PRIM2: variants seen among roughly 807,000 people sequenced by gnomAD.
PRIM2 encodes the protein DNA primase subunit 2.
A neutral mutation model predicts 67.3 loss-of-function variants in PRIM2; 39 were observed. That is an observed-to-expected ratio of 0.58 (90% CI 0.45 to 0.76). The LOEUF (loss-of-function observed/expected upper bound fraction) is 0.76, where lower values mean the gene tolerates loss of function less well. PRIM2 is among the 30% of genes least tolerant of loss of function. The probability of loss-of-function intolerance (pLI) is 0.00; values close to 1 mark genes in which losing one functional copy is unlikely to be tolerated. For synonymous variants in PRIM2, 143 were observed against 198.7 expected (o/e 0.72, Z 2.36); for missense variants, 398 against 598.7 (o/e 0.66, Z 3.50).
intron 7 of PRIM2, among the ~76,000 whole-genome samples, chr6:57,467,114 AAAAAAAGAAAAG>A (rs1773219300): frequency 6.7e-6 from 1 of 149,824 alleles, no homozygotes; most frequent in African/African-American, 2.5e-5. Context: ...TCAAAAAAAA[AAAAAAAGAAAAG>A]AAAAAAAGAT....
At chr6:57,465,798 A>T (rs1175131284) in intron 7 of PRIM2, among the ~76,000 whole-genome samples, 9 of 150,390 alleles carry the variant, frequency 6.0e-5, no homozygotes, top group Non-Finnish European at 3.0e-5. Flanking sequence ...GCTTTCTATC[A>T]TTTTTTTTTC....
At chr6:57,238,204 C>G in the PRIM2 span, among the ~76,000 whole-genome samples, 1 of 152,176 alleles carries the variant, frequency 6.6e-6, no homozygotes, top group Non-Finnish European at 1.5e-5. Flanking sequence ...AGCTCTGCAC[C>G]AAGCAGACCT....
At chr6:57,259,748 A>G in the PRIM2 span, among the ~76,000 whole-genome samples, 1 of 152,164 alleles carries the variant, frequency 6.6e-6, no homozygotes, top group East Asian at 1.9e-4. Flanking sequence ...TGGCTCACCA[A>G]GTCCACTGAC....
chr6:57,430,726 G>A (rs1181286266), intron 7 of PRIM2, among the ~76,000 whole-genome samples: 1 of 152,118 alleles, frequency 6.6e-6, no homozygotes, highest in Non-Finnish European at 1.5e-5. Context: ...CTCCCGAAGT[G>A]CTGGGATTAC....
chr6:57,521,383 T>G (rs1231477728), intron 8 of PRIM2, among the ~76,000 whole-genome samples: 4 of 143,716 alleles, frequency 2.8e-5, no homozygotes, highest in East Asian at 1.9e-4. Flanking sequence ...TTTTTTTTTT[T>G]TTTTTTTTTT....
At chr6:57,529,462 A>T (rs2127467287) in intron 8 of PRIM2, among the ~76,000 whole-genome samples, 1 of 152,302 alleles carries the variant, frequency 6.6e-6, no homozygotes, top group Admixed American at 6.5e-5. Flanking sequence ...TGAAACAATT[A>T]TCTGGTTATG....
chr6:57,613,907 A>ACC (rs1776707930), intron 12 of PRIM2, among the ~76,000 whole-genome samples: 3 of 152,034 alleles, frequency 2.0e-5, no homozygotes, highest in Admixed American at 2.0e-4. Context: ...GCTGGAGTGC[A>ACC]ATGGTGCGAT....
At chr6:57,577,414 G>T (rs1220992457) in intron 10 of PRIM2, among the ~76,000 whole-genome samples, 1 of 150,074 alleles carries the variant, frequency 6.7e-6, no homozygotes, top group Admixed American at 6.7e-5. Flanking sequence ...CTTTTCCATT[G>T]CCTGGTATAT....
At chr6:57,502,578 A>G (rs1774157847) in intron 7 of PRIM2, among the ~76,000 whole-genome samples, 1 of 152,124 alleles carries the variant, frequency 6.6e-6, no homozygotes, top group African/African-American at 2.4e-5. Context: ...ATAAATATTC[A>G]TGACTCCTCC....
At chr6:57,355,486 C>A (rs1031033917) in intron 5 of PRIM2, among the ~76,000 whole-genome samples, 1 of 152,078 alleles carries the variant, frequency 6.6e-6, no homozygotes, top group African/African-American at 2.4e-5. Flanking sequence ...CATCTCAGTT[C>A]AATAACTGAA....
At chr6:57,355,199 G>A (rs547041728) in intron 5 of PRIM2, among the ~76,000 whole-genome samples, 1 of 152,176 alleles carries the variant, frequency 6.6e-6, no homozygotes, top group African/African-American at 2.4e-5. Flanking sequence ...AGCTACTCGG[G>A]AGGCTGAGGC....
chr6:57,491,864 C>T (rs1554345983), intron 7 of PRIM2, among the ~76,000 whole-genome samples: 3 of 151,896 alleles, frequency 2.0e-5, no homozygotes, highest in African/African-American at 2.4e-5. Context: ...TAAAAGCTGA[C>T]GAGGCTGGGT....
the PRIM2 span, among the ~76,000 whole-genome samples, chr6:57,225,455 T>C: frequency 6.6e-6 from 1 of 152,220 alleles, no homozygotes; most frequent in East Asian, 1.9e-4. Flanking sequence ...TTTTAAATCA[T>C]GTAGTTGTGC....
chr6:57,423,709 T>C (rs1432645067), intron 7 of PRIM2, among the ~76,000 whole-genome samples: 7 of 152,230 alleles, frequency 4.6e-5, no homozygotes, highest in Non-Finnish European at 1.0e-4. Context: ...GGAAGCTTCA[T>C]GTTGCCTTAG....
At chr6:57,365,509 A>G (rs1197938970) in intron 5 of PRIM2, among the ~76,000 whole-genome samples, 3 of 152,160 alleles carry the variant, frequency 2.0e-5, no homozygotes, top group East Asian at 1.9e-4. Flanking sequence ...ATTACATCCT[A>G]TCATTAATAA....
At chr6:57,502,867 T>A (rs1437992596) in intron 7 of PRIM2, among the ~76,000 whole-genome samples, 1 of 152,214 alleles carries the variant, frequency 6.6e-6, no homozygotes, top group East Asian at 1.9e-4. Context: ...GGTCACAGTT[T>A]CAACTACATT....
chr6:57,642,433 A>ACCTTTTTTTTTTTTTTTTT (rs1444848326), intron 13 of PRIM2, among the ~76,000 whole-genome samples: 1 of 107,060 alleles, frequency 9.3e-6, no homozygotes, highest in Non-Finnish European at 1.8e-5. Context: ...TAAATATTAT[A>ACCTTTTTTTTTTTTTTTTT]TCTTTTTTTT....
At chr6:57,349,063 A>G (rs1483847038) in intron 5 of PRIM2, among the ~76,000 whole-genome samples, 1 of 151,924 alleles carries the variant, frequency 6.6e-6, no homozygotes. Context: ...GACTTTTTAT[A>G]TTCATGTGAA....
the PRIM2 span, among the ~76,000 whole-genome samples, chr6:57,232,402 A>G: frequency 6.6e-6 from 1 of 152,182 alleles, no homozygotes; most frequent in Non-Finnish European, 1.5e-5. Context: ...AATACAAAAA[A>G]TTAGCCAGGT....
Sources: gnomAD v4.1 joint callset for allele counts (sites outside exome capture counted in the v4.1 genomes callset) on GRCh38, gnomAD v4.1.1 for gene constraint, MANE v1.5 for transcripts, NCBI Gene and HGNC (gene_info 2026-07-23, HGNC 2026-07-21) for gene names.